EBF1: variants seen among roughly 807,000 people sequenced by gnomAD.
The protein encoded by EBF1 is EBF transcription factor 1, also known as transcription factor COE1.
In EBF1, 10 loss-of-function variants were observed where a neutral mutation model predicts 68.4. The ratio of observed to expected loss-of-function variants is 0.15; its 90% CI spans 0.09 to 0.25. The LOEUF is 0.25. Among genes scored for constraint, EBF1 ranks in the 10% least tolerant of loss-of-function variants. EBF1 has a pLI of 1.00. For missense variants in EBF1, 509 were observed against 794.4 expected, an observed-to-expected ratio of 0.64 and a Z score of 4.32; for synonymous variants, 298 against 299.8, an observed-to-expected ratio of 0.99 and a Z score of 0.06.
chr5:158,862,272 TGGGAAAACTTCAAAAA>T (rs1223627495), intron 6 of EBF1, among the ~76,000 whole-genome samples: 1 of 152,140 alleles, frequency 6.6e-6, no homozygotes, highest in East Asian at 1.9e-4. Context: ...CAAAGTAGGC[TGGGAAAACTTCAAAAA>T]GTGGCCCAAT....
At chr5:158,976,321 TTG>T (rs1162173914) in intron 6 of EBF1, among the ~76,000 whole-genome samples, 1 of 152,180 alleles carries the variant, frequency 6.6e-6, no homozygotes, top group African/African-American at 2.4e-5. Context: ...ATGGATTTCT[TTG>T]TTGGGTACTT....
chr5:158,918,016 A>G (rs1168179105), intron 6 of EBF1, among the ~76,000 whole-genome samples: 2 of 152,216 alleles, frequency 1.3e-5, no homozygotes, highest in African/African-American at 4.8e-5. Flanking sequence ...CATTGAAGAC[A>G]GAAGAGAGAG....
At chr5:158,911,333 G>A (rs1805929731) in intron 6 of EBF1, among the ~76,000 whole-genome samples, 1 of 152,152 alleles carries the variant, frequency 6.6e-6, no homozygotes, top group Admixed American at 6.5e-5. Flanking sequence ...ACTAACTACA[G>A]CTGTCAGCCC....
intron 6 of EBF1, among the ~76,000 whole-genome samples, chr5:159,048,582 T>A (rs1227287055): frequency 6.6e-6 from 1 of 152,232 alleles, no homozygotes; most frequent in Non-Finnish European, 1.5e-5. Flanking sequence ...AATGGGACCA[T>A]GTACCAGCCA....
intron 8 of EBF1, among the ~76,000 whole-genome samples, chr5:158,808,257 G>A (rs973052825): frequency 6.6e-6 from 1 of 152,070 alleles, no homozygotes; most frequent in African/African-American, 2.4e-5. Flanking sequence ...TACTCTTTGG[G>A]GTCTGGGCTG....
intron 6 of EBF1, chr5:159,019,075 G>A (rs1037437751): frequency 2.0e-5 from 3 of 152,094 alleles, no homozygotes; most frequent in Non-Finnish European, 4.4e-5. Context: ...GTTTACAGAT[G>A]GCAAATGTTT....
At chr5:159,008,685 C>T (rs1764050002) in intron 6 of EBF1, among the ~76,000 whole-genome samples, 1 of 151,862 alleles carries the variant, frequency 6.6e-6, no homozygotes, top group Non-Finnish European at 1.5e-5. Flanking sequence ...ACCACCACGC[C>T]CGGCTAATTT....
chr5:158,758,213 C>A (rs543250385), intron 10 of EBF1, among the ~76,000 whole-genome samples: 1 of 152,252 alleles, frequency 6.6e-6, no homozygotes, highest in Non-Finnish European at 1.5e-5. Context: ...ACTCTTGATC[C>A]ATTCATTTAC....
intron 6 of EBF1, among the ~76,000 whole-genome samples, chr5:158,988,465 C>T (rs925045437): frequency 6.6e-6 from 1 of 152,158 alleles, no homozygotes; most frequent in Non-Finnish European, 1.5e-5. Flanking sequence ...CTCATCTTCC[C>T]AACACCTCCT....
intron 6 of EBF1, among the ~76,000 whole-genome samples, chr5:158,982,796 A>ATATT (rs59479371): frequency 0.015 from 2,233 of 149,840 alleles, 23 homozygotes; most frequent in Non-Finnish European, 0.026. Context: ...ATATATATAT[A>ATATT]GTGGTCTAAA....
chr5:158,703,007 C>A (rs1019365765), intron 15 of EBF1, among the ~76,000 whole-genome samples: 1 of 152,052 alleles, frequency 6.6e-6, no homozygotes, highest in African/African-American at 2.4e-5. Context: ...ATTTTTCATG[C>A]GTAGACTGTC....
At chr5:158,823,563 AC>A (rs1582237212) in intron 7 of EBF1, among the ~76,000 whole-genome samples, 1 of 152,318 alleles carries the variant, frequency 6.6e-6, no homozygotes, top group East Asian at 1.9e-4. Flanking sequence ...CAGAAGGTAC[AC>A]TGTTAACCAT....
chr5:158,734,732 A>G (rs1013640995), intron 10 of EBF1, among the ~76,000 whole-genome samples: 8 of 148,948 alleles, frequency 5.4e-5, no homozygotes, highest in Non-Finnish European at 1.2e-4. Context: ...GTAGAGCAAG[A>G]AAAAAAAACT....
chr5:159,026,842 C>A (rs1414315573), intron 6 of EBF1, among the ~76,000 whole-genome samples: 1 of 152,158 alleles, frequency 6.6e-6, no homozygotes, highest in Non-Finnish European at 1.5e-5. Context: ...CTGCTCCTTG[C>A]CCTCCCTGTG....
At chr5:159,006,810 G>A (rs1763665960) in intron 6 of EBF1, among the ~76,000 whole-genome samples, 1 of 152,064 alleles carries the variant, frequency 6.6e-6, no homozygotes, top group South Asian at 2.1e-4. Flanking sequence ...AAATAAAGCA[G>A]GAGAACAACT....
chr5:158,787,370 T>C (rs1777667316), intron 9 of EBF1, among the ~76,000 whole-genome samples: 1 of 152,188 alleles, frequency 6.6e-6, no homozygotes, highest in Admixed American at 6.5e-5. Context: ...CCACACATGA[T>C]CTTCCTCTAG....
intron 6 of EBF1, among the ~76,000 whole-genome samples, chr5:158,877,547 C>T (rs1476954004): frequency 2.0e-5 from 3 of 152,154 alleles, no homozygotes; most frequent in Non-Finnish European, 4.4e-5. Flanking sequence ...ACCCAGGCAA[C>T]TTAGAAGGCA....
intron 6 of EBF1, among the ~76,000 whole-genome samples, chr5:158,889,376 C>A (rs913002849): frequency 6.6e-6 from 1 of 152,136 alleles, no homozygotes; most frequent in Non-Finnish European, 1.5e-5. Flanking sequence ...AAAGGATCCA[C>A]TTTGTCATTC....
intron 15 of EBF1, 72 bp from the exon 16 acceptor site, chr5:158,699,214 T>TAAA: frequency 3.0e-5 from 35 of 1,151,798 alleles, no homozygotes; most frequent in South Asian, 8.3e-5. Context: ...TAATGAAGAC[T>TAAA]AAAAAAAAAA....
Sources: allele counts gnomAD v4.1 joint callset (sites outside exome capture counted in the v4.1 genomes callset), GRCh38; gene constraint gnomAD v4.1.1; transcripts MANE v1.5; gene names NCBI Gene and HGNC (gene_info 2026-07-23, HGNC 2026-07-21).